Variants in RNF144B observed in about 807,000 individuals in gnomAD.
The protein encoded by RNF144B is ring finger protein 144B.
RNF144B carries 25 observed loss-of-function variants against 40.2 expected under a neutral mutation model. The observed-to-expected ratio is 0.62, with a 90% CI of 0.45 to 0.87. RNF144B has a LOEUF of 0.87. RNF144B is among the 40% of genes least tolerant of loss of function. The pLI is 0.00. For synonymous variants in RNF144B, 145 were observed against 136.3 expected, an observed-to-expected ratio of 1.06 and a Z score of -0.44; for missense variants, 365 against 373.7, an observed-to-expected ratio of 0.98 and a Z score of 0.19.
In RNF144B at chr6:18,400,079, A is replaced by G. The variant is rs562026056; in HGVS notation, c.165+380A>G. On this transcript the variant is annotated intron_variant, in intron 2 of 7. Transcript: ENST00000259939. This position sits in a 1 kb window ranked among gnomAD's most constrained non-coding sequence, Gnocchi z 5.6. ...AAGGTCAGAAGATCGAGACCATCCT[A>G]GCTAACATGGTAAAACCCCGTCTCT... Among the ~76,000 whole-genome samples the G allele has an allele frequency of 8.5e-5, 13 of 152,066 alleles. No homozygotes were observed. Among genetic ancestry groups the G allele is most frequent in the South Asian group, 6.2e-4 (3 of 4,824 alleles).
chr6:18,465,171 A>T lies in RNF144B; in HGVS notation c.*104A>T, dbSNP rs1321543008. ...CCTCCTTCTCCTTGCCAACTTTGAA[A>T]GTGCCTCCGTGTCCAGACTTTGAAC... is the stretch of plus-strand genomic sequence containing the variant. On this transcript the variant is annotated 3_prime_UTR_variant, in exon 8 of 8. Transcript: ENST00000259939. The T allele has an allele frequency of 7.4e-6, 9 of 1,213,190 alleles. No individual in the cohort carries two copies. Among genetic ancestry groups the T allele is most frequent in the Non-Finnish European group, 9.3e-6 (8 of 859,486 alleles). The allele number at this position is 1,213,190 out of a possible 1,614,324, so 75.2% of individuals were successfully genotyped here. A position where few individuals can be genotyped will look rare whatever the true frequency, so the allele number is the denominator to read the frequency against.
Position 18,399,611 on chromosome 6 carries a change from C to G in RNF144B, c.77C>G (p.Pro26Arg). 6.2e-7 allele frequency: 1 copy of G among 1,614,158 alleles called. No homozygotes were observed. The highest frequency in any genetic ancestry group is 8.5e-7 in the Non-Finnish European group (1 of 1,180,018). Residue 26 changes from proline (P) to arginine (R), a missense_variant, in exon 2 of 8, where the codon CCC (proline) becomes CGC (arginine). Pro to Arg is a moderately radical substitution (Grantham distance 103). Coordinates refer to ENST00000259939, the MANE Select transcript of RNF144B (RefSeq NM_182757.4). ...ACTCCTGGAGACCTGGCTCCGGCCC[C>G]CCTCATCACTTGCAAACTCTGCCTG... ...NPTPGDLAPA[P>R]LITCKLCLCE...
chr6:18,427,452 C>T, intron 2 of RNF144B, 129 bp from the exon 3 acceptor site: 1 of 584,136 alleles, frequency 1.7e-6, no homozygotes, highest in South Asian at 2.3e-5. Context: ...CTTGTGATAA[C>T]TTATGTTTCT....
Position 18,387,475 on chromosome 6 carries a change from T to A in RNF144B, c.-192T>A, listed in dbSNP as rs768149521. On this transcript the variant is annotated 5_prime_UTR_variant, in exon 1 of 8. Coordinates refer to ENST00000259939, the MANE Select transcript of RNF144B (RefSeq NM_182757.4). ...TCTGGGAGCGCAAGTCCTGTTGCAG[T>A]CTTGCAAAGTGTAAAGCTGTCAGCC... 1 of 1,279,716 alleles carries A rather than the reference T, an allele frequency of 7.8e-7. No individual in the cohort carries two copies. Among genetic ancestry groups the A allele is most frequent in the East Asian group, 5.9e-5 (1 of 16,942 alleles). The allele number at this position is 1,279,716 out of a possible 1,614,324, so 79.3% of individuals were successfully genotyped here.
Position 18,459,885 on chromosome 6 carries a change from AC to A in RNF144B, c.681+135del. ...AAAGGAATTTATTTTTCTTAATGAG[AC>A]TTACTAAGCCTGATACTTTAGATAT... is the stretch of plus-strand genomic sequence containing the variant. On this transcript the variant is annotated intron_variant, in intron 6 of 7. Transcript: ENST00000259939. The surrounding 1 kb of genome is among the most constrained non-coding windows in gnomAD (Gnocchi z 4.2). 1.2e-6 allele frequency: 1 copy of A among 809,956 alleles called. No homozygotes were observed. Among genetic ancestry groups the A allele is most frequent in the Non-Finnish European group, 2.0e-6 (1 of 505,900 alleles). The allele number at this position is 809,956 out of a possible 1,614,324, so 50.2% of individuals were successfully genotyped here. A position where few individuals can be genotyped will look rare whatever the true frequency, so the allele number is the denominator to read the frequency against.
chr6:18,421,455 G>A (rs1222402761), intron 2 of RNF144B, among the ~76,000 whole-genome samples: 1 of 152,066 alleles, frequency 6.6e-6, no homozygotes, highest in Non-Finnish European at 1.5e-5. Flanking sequence ...GTAATTCAGT[G>A]ATCTTGTCAC....
chr6:18,409,359 C>T (rs530126678), intron 2 of RNF144B, among the ~76,000 whole-genome samples: 3 of 117,826 alleles, frequency 2.5e-5, no homozygotes, highest in African/African-American at 9.9e-5. Context: ...GCCCGGGCAC[C>T]TGAGTGAGAC....
chr6:18,438,468 T>C (rs1758873749), intron 3 of RNF144B, among the ~76,000 whole-genome samples: 1 of 152,212 alleles, frequency 6.6e-6, no homozygotes, highest in Admixed American at 6.5e-5. Flanking sequence ...AATGTTTTTA[T>C]AATTAAAGTT....
chr6:18,407,505 G>A (rs1430037590), intron 2 of RNF144B, among the ~76,000 whole-genome samples: 2 of 152,162 alleles, frequency 1.3e-5, no homozygotes, highest in Non-Finnish European at 2.9e-5. Flanking sequence ...ACTCTTTTTA[G>A]TGTGGTTATC....
rs751998590 is a variant in RNF144B, at chr6:18,459,826, T to C, written c.681+75T>C. The C allele has an allele frequency of 3.2e-4, 448 of 1,391,758 alleles. 1 individual carries two copies. Among genetic ancestry groups the C allele is most frequent in the South Asian group, 4.5e-4 (29 of 64,192 alleles). 86.2% of individuals were successfully genotyped at this position (1,391,758 alleles called of 1,614,324 possible). A position where few individuals can be genotyped will look rare whatever the true frequency, so the allele number is the denominator to read the frequency against. On this transcript the variant is annotated intron_variant, in intron 6 of 7. Coordinates refer to ENST00000259939, the MANE Select transcript of RNF144B (RefSeq NM_182757.4). The surrounding 1 kb of genome is among the most constrained non-coding windows in gnomAD (Gnocchi z 4.2). ...ACCACAGCTGATATCCTACAGATTT[T>C]CCTTTAAAATATTGGGGCAATTTTT... is the stretch of plus-strand genomic sequence containing the variant.
At chr6:18,393,360 T>A (rs1364707556) in intron 1 of RNF144B, among the ~76,000 whole-genome samples, 1 of 151,996 alleles carries the variant, frequency 6.6e-6, no homozygotes, top group Non-Finnish European at 1.5e-5. Flanking sequence ...ACAAAGGAGG[T>A]CTACCATAAG....
chr6:18,461,471 A>T (rs1479936224), intron 6 of RNF144B, among the ~76,000 whole-genome samples: 2 of 152,204 alleles, frequency 1.3e-5, no homozygotes, highest in Non-Finnish European at 2.9e-5. Context: ...AAGGAGGCTG[A>T]GCCCATGAGG....
intron 6 of RNF144B, among the ~76,000 whole-genome samples, chr6:18,461,801 T>C (rs575563520): frequency 6.8e-6 from 1 of 146,608 alleles, no homozygotes; most frequent in Non-Finnish European, 1.5e-5. Context: ...TCTCTGTTTA[T>C]AGGAAAGTTT....
At chr6:18,403,509 C>G (rs1371592226) in intron 2 of RNF144B, among the ~76,000 whole-genome samples, 2 of 152,176 alleles carry the variant, frequency 1.3e-5, no homozygotes, top group African/African-American at 2.4e-5. Flanking sequence ...TCTATTGGCT[C>G]TAGGTAGTTA....
rs1172914292 is a variant in RNF144B at position 18,405,909 on chromosome 6, G to C, written c.165+6210G>C. 6.6e-6 allele frequency among the ~76,000 whole-genome samples: 1 copy of C among 152,170 alleles called. No individual in the cohort carries two copies. The highest frequency in any genetic ancestry group is 1.5e-5 in the Non-Finnish European group (1 of 68,032). On this transcript the variant is annotated intron_variant, in intron 2 of 7. Coordinates refer to ENST00000259939, the MANE Select transcript of RNF144B (RefSeq NM_182757.4). This position sits in a 1 kb window ranked among gnomAD's most constrained non-coding sequence, Gnocchi z 4.5. The stretch of plus-strand genomic sequence containing the variant: ...ATACTATTAAGGCCCTAATGTCTTT[G>C]TCATAGCATCATAGTCCTAGAATTG...
rs202133156 is a variant in RNF144B, at chr6:18,439,700, C to T, written c.287C>T (p.Pro96Leu). 1 of 1,612,500 alleles carries T rather than the reference C, an allele frequency of 6.2e-7. No individual in the cohort carries two copies. Among genetic ancestry groups the T allele is most frequent in the East Asian group, 2.2e-5 (1 of 44,862 alleles). ...TGGTTTCAGATTGCCTGTTTGGTAC[C>T]TGTGGACCAGTTTCAACTTTATCAG... is the stretch of plus-strand genomic sequence containing the variant. ...LQEAEIACLVPVDQFQLYQRL... is the reference protein window; with the variant it reads ...LQEAEIACLVLVDQFQLYQRL... The change falls in exon 4 of 8, where the codon CCT becomes CTT. Residue 96 changes from proline (P) to leucine (L), a missense_variant. Coordinates refer to ENST00000259939, the MANE Select transcript of RNF144B (RefSeq NM_182757.4).
At position 18,434,245 on chromosome 6, in the gene RNF144B, A is replaced by AG. The variant is rs563428394; in HGVS notation, c.271-5438dup. ...TTGAGTCTTTTTTTCTTAACTAAAA[A>AG]GCAATATACATTGTATTTATTAACA... On this transcript the variant is annotated intron_variant, in intron 3 of 7. Transcript: ENST00000259939. This position sits in a 1 kb window ranked among gnomAD's most constrained non-coding sequence, Gnocchi z 4.1. 2.7e-3 allele frequency among the ~76,000 whole-genome samples: 405 copies of AG among 152,316 alleles called. 3 individuals are homozygous for AG. Among genetic ancestry groups the AG allele is most frequent in the African/African-American group, 9.3e-3 (387 of 41,564 alleles).
chr6:18,431,605 T>C (rs1431749401), intron 3 of RNF144B, among the ~76,000 whole-genome samples: 1 of 152,224 alleles, frequency 6.6e-6, no homozygotes, highest in Non-Finnish European at 1.5e-5. Flanking sequence ...TTTTAAAAAA[T>C]GCTTAATTAC....
rs1314505616 is a variant in RNF144B at position 18,419,273 on chromosome 6, T to G, written c.166-8308T>G. 6.6e-6 allele frequency among the ~76,000 whole-genome samples: 1 copy of G among 152,188 alleles called. No individual in the cohort carries two copies. Among genetic ancestry groups the G allele is most frequent in the Non-Finnish European group, 1.5e-5 (1 of 68,022 alleles). Reference sequence around the variant, plus strand: ...CCCAGTAGTGTCCCATATCTTCCAGTGTTTCTTGTCCATAAAAACATACCA... The same window carrying G: ...CCCAGTAGTGTCCCATATCTTCCAGGGTTTCTTGTCCATAAAAACATACCA... On this transcript the variant is annotated intron_variant, in intron 2 of 7. Transcript: ENST00000259939. The surrounding 1 kb of genome is among the most constrained non-coding windows in gnomAD (Gnocchi z 4.6).
Sources: allele counts gnomAD v4.1 joint callset (sites outside exome capture counted in the v4.1 genomes callset), GRCh38; gene constraint gnomAD v4.1.1; non-coding constraint Gnocchi (gnomAD v3.1); transcripts MANE v1.5; gene names NCBI Gene and HGNC (gene_info 2026-07-23, HGNC 2026-07-21).